The following MICA variants were observed in gnomAD, a reference collection of about 807,000 sequenced individuals.
MICA encodes MHC class I polypeptide-related sequence A.
Under a neutral mutation model 34.3 loss-of-function variants are expected in MICA, and 18 were observed. The ratio of observed to expected loss-of-function variants is 0.52; its 90% confidence interval spans 0.36 to 0.78. MICA has a LOEUF of 0.78. Ranked by LOEUF, MICA falls within the 30% of genes least tolerant of loss-of-function variation. The probability of loss-of-function intolerance (pLI) is 0.00; values close to 1 mark genes in which losing one functional copy is unlikely to be tolerated. For missense variants in MICA, 333 were observed against 409.4 expected, an observed-to-expected ratio of 0.81 and a Z score of 1.61; for synonymous variants, 135 against 156.9, an observed-to-expected ratio of 0.86 and a Z score of 1.04.
rs1192580472 is a variant in MICA, at chr6:31,403,663, G to A, written c.31G>A (p.Ala11Thr). 6.5e-7 allele frequency: 1 copy of A among 1,532,938 alleles called. No individual in the cohort carries two copies. Among genetic ancestry groups the A allele is most frequent in the East Asian group, 2.6e-5 (1 of 38,152 alleles). 95.0% of individuals were successfully genotyped at this position (1,532,938 alleles called of 1,614,324 possible). A position where few individuals can be genotyped will look rare whatever the true frequency, so the allele number is the denominator to read the frequency against. The change falls in exon 1 of 6, where the codon GCT becomes ACT. Residue 11 changes from alanine to threonine, a missense_variant. Coordinates refer to ENST00000449934, the MANE Select transcript of MICA (RefSeq NM_001177519.3). This position sits in a 1 kb window ranked among gnomAD's most constrained non-coding sequence, Gnocchi z 4.7. MGLGPVFLLL[A>T]GIFPFAPPGA... ...GCTGGGCCCGGTCTTTCTGCTTCTG[G>A]CTGGCATCTTCCCTTTTGCACCTCC...
chr6:31,408,420 G>C (rs1770860315), intron 1 of MICA, among the ~76,000 whole-genome samples: 1 of 151,896 alleles, frequency 6.6e-6, no homozygotes, highest in Non-Finnish European at 1.5e-5. Flanking sequence ...GAATAGGACT[G>C]ACATATGTTG....
At chr6:31,414,632 A>C (rs3134791) in intron 5 of MICA, among the ~76,000 whole-genome samples, 133,851 of 151,874 alleles carry the variant, frequency 0.88, 59,169 homozygotes, top group East Asian at 0.97. Context: ...GGTGCCTCTG[A>C]AGGAGAGGAG....
At position 31,405,000 on chromosome 6, in the gene MICA, G is replaced by A. The variant is rs1210536655; in HGVS notation, c.70+1298G>A. ...TTCTCATCTTTCAGTGGGAAAGTGG[G>A]AGTGCTGGAGCATATGACAGTGCTG... On this transcript the variant is annotated intron_variant, in intron 1 of 5. Coordinates refer to ENST00000449934, the MANE Select transcript of MICA (RefSeq NM_001177519.3). Among the ~76,000 whole-genome samples, 4 of 151,484 alleles carry A rather than the reference G, an allele frequency of 2.6e-5. No individual in the cohort carries two copies. In the East Asian group the frequency reaches 7.8e-4, roughly 29 times the overall value.
chr6:31,413,291 C>A (rs1474680594), intron 5 of MICA, among the ~76,000 whole-genome samples: 1 of 151,878 alleles, frequency 6.6e-6, no homozygotes, highest in East Asian at 1.9e-4. Context: ...TTCATCCTAC[C>A]TCCGAGTGTT....
In MICA at chr6:31,410,529, T is replaced by A. The variant is rs1328067967; in HGVS notation, c.71-14T>A. On this transcript the variant is annotated splice_polypyrimidine_tract_variant and intron_variant, in intron 1 of 5. Coordinates refer to ENST00000449934, the MANE Select transcript of MICA (RefSeq NM_001177519.3). Reference sequence around the variant, plus strand: ...TCCAGGAAGAAGTTTCACCTGTGATTTCCTCTTCCCCAGAGCCCCACAGTC... The same window carrying A: ...TCCAGGAAGAAGTTTCACCTGTGATATCCTCTTCCCCAGAGCCCCACAGTC... 1 of 1,607,512 alleles carries A rather than the reference T, an allele frequency of 6.2e-7. No homozygotes were observed. The highest frequency in any genetic ancestry group is 8.5e-7 in the Non-Finnish European group (1 of 1,177,160).
chr6:31,400,895 G>A (rs188449237), upstream of MICA: 1 of 151,686 alleles, frequency 6.6e-6, no homozygotes, highest in East Asian at 1.9e-4. Flanking sequence ...TGGGGGAGGG[G>A]CGCCCAGGCC....
Position 31,410,476 on chromosome 6 carries a change from G to T in MICA, c.71-67G>T, listed in dbSNP as rs1343262511. ...CCAGGAAGGTTGGGACAGCAGACCT[G>T]TGTGTTAAACATCAATGTGAAGTTA... On this transcript the variant is annotated intron_variant, in intron 1 of 5. Transcript: ENST00000449934. 5 of 1,574,194 alleles carry T rather than the reference G, an allele frequency of 3.2e-6. No homozygotes were observed. In the East Asian group the frequency reaches 9.0e-5, roughly 28 times the overall value.
chr6:31,411,374 C>T lies in MICA; in HGVS notation c.613+15C>T. The T allele has an allele frequency of 6.5e-7, 1 of 1,543,292 alleles. No individual in the cohort carries two copies. Among genetic ancestry groups the T allele is most frequent in the Non-Finnish European group, 8.7e-7 (1 of 1,143,012 alleles). ...GAGGAGAACAGGTACCGACGCTGGC[C>T]AGGGGCTCTCCTCTCCCTCCAATTC... is the stretch of plus-strand genomic sequence containing the variant. On this transcript the variant is annotated intron_variant, in intron 3 of 5. Transcript: ENST00000449934. The surrounding 1 kb of genome is among the most constrained non-coding windows in gnomAD (Gnocchi z 4.3).
intron 1 of MICA, among the ~76,000 whole-genome samples, chr6:31,404,266 C>T (rs1015325428): frequency 6.6e-6 from 1 of 151,608 alleles, no homozygotes; most frequent in African/African-American, 2.4e-5. Context: ...GGGTTGGAGT[C>T]TGCAGGCTCC....
intron 1 of MICA, among the ~76,000 whole-genome samples, chr6:31,408,222 T>A (rs1208746580): frequency 1.3e-5 from 2 of 151,978 alleles, no homozygotes; most frequent in Non-Finnish European, 2.9e-5. Context: ...TGATCTTTTT[T>A]AATGTATTGT....
rs1771121556 is a variant in MICA at position 31,411,187 on chromosome 6, T to C, written c.441T>C (p.Thr147=). 2 of 1,613,280 alleles carry C rather than the reference T, an allele frequency of 1.2e-6. No individual in the cohort carries two copies. The highest frequency in any genetic ancestry group is 1.7e-6 in the Non-Finnish European group (2 of 1,179,982). ...GELFLSQNLE[T]EEWTVPQSSR... ...TCTTCCTCTCCCAAAACCTGGAGAC[T>C]GAGGAATGGACAGTGCCCCAGTCCT... Residue 147 remains threonine (T), a synonymous_variant, in exon 3 of 6, where the codon ACT becomes ACC. Transcript: ENST00000449934. The surrounding 1 kb of genome is among the most constrained non-coding windows in gnomAD (Gnocchi z 4.3).
intron 1 of MICA, among the ~76,000 whole-genome samples, chr6:31,406,776 A>G (rs1770771388): frequency 6.6e-6 from 1 of 151,902 alleles, no homozygotes; most frequent in African/African-American, 2.4e-5. Flanking sequence ...GCATAAGGAT[A>G]TCTAGTTTCC....
chr6:31,410,897 G>A, intron 2 of MICA, 100 bp downstream of exon 2: 1 of 1,484,340 alleles, frequency 6.7e-7, no homozygotes, highest in East Asian at 2.5e-5. Context: ...TCTGGCTCAG[G>A]CTGGGGGTGA....
At chr6:31,408,722 C>T (rs372406452) in intron 1 of MICA, among the ~76,000 whole-genome samples, 24 of 151,802 alleles carry the variant, frequency 1.6e-4, no homozygotes, top group East Asian at 3.9e-4. Context: ...TTTTGAGGTT[C>T]GGTGGGCACA....
chr6:31,411,605 G>A lies in MICA; in HGVS notation c.613+246G>A, dbSNP rs1771159955. ...CCGACAGAATCCTGAGCCTGTGGTGGGTGTCAGGCAGGAGAGGAAGCCTTC... is the reference window on the plus strand; with the variant it reads ...CCGACAGAATCCTGAGCCTGTGGTGAGTGTCAGGCAGGAGAGGAAGCCTTC... On this transcript the variant is annotated intron_variant, in intron 3 of 5. Transcript: ENST00000449934. The surrounding 1 kb of genome is among the most constrained non-coding windows in gnomAD (Gnocchi z 4.3). Among the ~76,000 whole-genome samples, 1 of 151,804 alleles carries A rather than the reference G, an allele frequency of 6.6e-6. No individual in the cohort carries two copies. The highest frequency in any genetic ancestry group is 6.6e-5 in the Admixed American group (1 of 15,222).
chr6:31,402,220 A>G (rs1770468738), upstream of MICA: 1 of 152,066 alleles, frequency 6.6e-6, no homozygotes, highest in African/African-American at 2.4e-5. Flanking sequence ...GTTGTGATCA[A>G]TTAGTTGTAA....
chr6:31,407,466 C>T (rs1582669192), intron 1 of MICA, among the ~76,000 whole-genome samples: 1 of 151,866 alleles, frequency 6.6e-6, no homozygotes. Context: ...GAACTCCTGA[C>T]CTCAGGTGAT....
At chr6:31,407,687 A>G (rs893142101) in intron 1 of MICA, among the ~76,000 whole-genome samples, 11 of 151,840 alleles carry the variant, frequency 7.2e-5, no homozygotes, top group Non-Finnish European at 1.3e-4. Context: ...TGATTTTTGC[A>G]TGTTGATTTT....
At position 31,415,246 on chromosome 6, in the gene MICA, A is replaced by G. The variant is rs1025923044; in HGVS notation, c.*264A>G. ...CCTATGAAACAGAGAAAATAAAAGCACTTATTTATTGTTGTTGGAGGCTGC... is the reference window on the plus strand; with the variant it reads ...CCTATGAAACAGAGAAAATAAAAGCGCTTATTTATTGTTGTTGGAGGCTGC... On this transcript the variant is annotated 3_prime_UTR_variant, in exon 6 of 6. Transcript: ENST00000449934. The G allele has an allele frequency of 1.7e-6, 1 of 577,654 alleles. No individual in the cohort carries two copies. The highest frequency in any genetic ancestry group is 1.9e-5 in the African/African-American group (1 of 52,040). The allele number at this position is 577,654 out of a possible 1,614,324, so 35.8% of individuals were successfully genotyped here.
Sources: allele counts gnomAD v4.1 joint callset (sites outside exome capture counted in the v4.1 genomes callset), GRCh38; gene constraint gnomAD v4.1.1; non-coding constraint Gnocchi (gnomAD v3.1); transcripts MANE v1.5; gene names NCBI Gene and HGNC (gene_info 2026-07-23, HGNC 2026-07-21).